Variants in TAFA5 observed in about 807,000 individuals in gnomAD.
TAFA5 encodes TAFA chemokine like family member 5, also known as chemokine-like protein TAFA-5.
Under a neutral mutation model 15.3 loss-of-function variants are expected in TAFA5, and 6 were observed. That is an observed-to-expected ratio of 0.39 (90% confidence interval 0.21 to 0.77). TAFA5 has a LOEUF of 0.77. TAFA5 is among the 30% of genes least tolerant of loss of function. TAFA5 has a pLI of 0.41. For synonymous variants in TAFA5, 103 were observed against 80.7 expected (o/e 1.28, Z -1.48); for missense variants, 161 against 193.1 (o/e 0.83, Z 0.98).
At chr22:48,666,810 C>T (rs1043033908) in intron 2 of TAFA5, among the ~76,000 whole-genome samples, 3 of 152,158 alleles carry the variant, frequency 2.0e-5, no homozygotes, top group South Asian at 4.1e-4. Context: ...ACACAGGCAC[C>T]GCATGTCTGC....
intron 1 of TAFA5, among the ~76,000 whole-genome samples, chr22:48,610,828 C>T (rs184788474): frequency 1.2e-4 from 19 of 152,280 alleles, no homozygotes; most frequent in Non-Finnish European, 1.0e-4. Flanking sequence ...CCCTTCCCTT[C>T]GTCTGCTTCC....
Position 48,717,337 on chromosome 22 carries a change from CAGCCCTGGACATCCCAGGAGG to C in TAFA5, c.390+9501_390+9521del, listed in dbSNP as rs1194213065. On this transcript the variant is annotated intron_variant, in intron 3 of 3. Coordinates refer to ENST00000402357, the MANE Select transcript of TAFA5 (RefSeq NM_001082967.3). ...TCAAGGGTGCAGGAAGAACAGGCTC[CAGCCCTGGACATCCCAGGAGG>C]AGCCCTGCACATCCCAGGAGGAGCC... is the stretch of plus-strand genomic sequence containing the variant. Among the ~76,000 whole-genome samples the C allele has an allele frequency of 1.2e-4, 19 of 152,352 alleles. No homozygotes were observed. The East Asian group carries it at 2.5e-3, about 20-fold the overall frequency.
At chr22:48,731,091 G>A (rs1257319508) in intron 3 of TAFA5, among the ~76,000 whole-genome samples, 1 of 152,196 alleles carries the variant, frequency 6.6e-6, no homozygotes, top group African/African-American at 2.4e-5. Flanking sequence ...ATAAGAAAGG[G>A]ATAGAAAGTT....
intron 1 of TAFA5, among the ~76,000 whole-genome samples, chr22:48,557,040 C>T (rs1207026348): frequency 6.6e-6 from 1 of 152,184 alleles, no homozygotes; most frequent in African/African-American, 2.4e-5. Flanking sequence ...GGGGCACCCA[C>T]CGTTGGGAGG....
At position 48,561,919 on chromosome 22, in the gene TAFA5, G is replaced by A. The variant is rs888614896; in HGVS notation, c.112+72215G>A. On this transcript the variant is annotated intron_variant, in intron 1 of 3. Transcript: ENST00000402357. ...TCCTTTCTGTCCTGGGACTGGGACCGTGGGCGGTGGCTCGGCTCATGGCCA... is the reference window on the plus strand; with the variant it reads ...TCCTTTCTGTCCTGGGACTGGGACCATGGGCGGTGGCTCGGCTCATGGCCA... Among the ~76,000 whole-genome samples the A allele has an allele frequency of 1.8e-4, 28 of 152,308 alleles. 1 individual carries two copies. The highest frequency in any genetic ancestry group is 1.4e-3 in the Admixed American group (21 of 15,310).
chr22:48,592,758 G>T (rs921414259), intron 1 of TAFA5, among the ~76,000 whole-genome samples: 1 of 151,738 alleles, frequency 6.6e-6, no homozygotes, highest in Non-Finnish European at 1.5e-5. Flanking sequence ...GAGCAAGGAA[G>T]CCCTGTGCTC....
intron 2 of TAFA5, among the ~76,000 whole-genome samples, chr22:48,649,110 G>A (rs1926965560): frequency 6.6e-6 from 1 of 152,218 alleles, no homozygotes; most frequent in African/African-American, 2.4e-5. Context: ...AGGGAAGAAG[G>A]GGAAGGGGCC....
intron 1 of TAFA5, among the ~76,000 whole-genome samples, chr22:48,529,078 T>G (rs1921873785): frequency 6.6e-6 from 1 of 152,186 alleles, no homozygotes. Context: ...CAGTGACTGC[T>G]TAAACCACCT....
At chr22:48,610,436 A>C (rs1925358295) in intron 1 of TAFA5, among the ~76,000 whole-genome samples, 1 of 152,236 alleles carries the variant, frequency 6.6e-6, no homozygotes, top group African/African-American at 2.4e-5. Context: ...CGAAAGGTAC[A>C]CTGAGGAAGC....
chr22:48,548,946 G>A (rs181565457), intron 1 of TAFA5, among the ~76,000 whole-genome samples: 31 of 152,332 alleles, frequency 2.0e-4, no homozygotes, highest in Non-Finnish European at 4.0e-4. Context: ...ATCACAAGAA[G>A]CCTTCACACC....
chr22:48,728,561 ATAT>A (rs1929772042), intron 3 of TAFA5, among the ~76,000 whole-genome samples: 1 of 152,242 alleles, frequency 6.6e-6, no homozygotes, highest in African/African-American at 2.4e-5. Context: ...CTACTGAACA[ATAT>A]TATATATGCA....
chr22:48,519,019 G>A (rs1246598379), intron 1 of TAFA5, among the ~76,000 whole-genome samples: 2 of 152,164 alleles, frequency 1.3e-5, no homozygotes, highest in African/African-American at 4.8e-5. Flanking sequence ...CAGCAGGGAG[G>A]ACGCCTGGGG....
At chr22:48,496,385 A>C (rs1316810840) in intron 1 of TAFA5, among the ~76,000 whole-genome samples, 1 of 151,816 alleles carries the variant, frequency 6.6e-6, no homozygotes, top group Non-Finnish European at 1.5e-5. Flanking sequence ...CTCTCTGGAC[A>C]GATGCTTTTG....
At chr22:48,596,411 G>A (rs896397984) in intron 1 of TAFA5, among the ~76,000 whole-genome samples, 3 of 152,216 alleles carry the variant, frequency 2.0e-5, no homozygotes, top group Non-Finnish European at 2.9e-5. Context: ...GCTCCTCAGC[G>A]CAGCACATTC....
chr22:48,724,664 T>G (rs1601700015), intron 3 of TAFA5, among the ~76,000 whole-genome samples: 2 of 151,596 alleles, frequency 1.3e-5, no homozygotes, highest in African/African-American at 4.9e-5. Flanking sequence ...CTCAAAGGAG[T>G]GGAAGCCCGT....
At chr22:48,693,670 A>T (rs546155069) in intron 2 of TAFA5, among the ~76,000 whole-genome samples, 15 of 151,998 alleles carry the variant, frequency 9.9e-5, no homozygotes, top group African/African-American at 3.4e-4. Flanking sequence ...GTCCCGCACC[A>T]CACCGGGCTT....
intron 2 of TAFA5, among the ~76,000 whole-genome samples, chr22:48,691,314 C>T (rs1928534442): frequency 6.6e-6 from 1 of 152,232 alleles, no homozygotes; most frequent in East Asian, 1.9e-4. Flanking sequence ...GGCCGTCTTT[C>T]CAAAGCCCTG....
chr22:48,502,915 G>T (rs559574694), intron 1 of TAFA5, among the ~76,000 whole-genome samples: 7 of 152,300 alleles, frequency 4.6e-5, no homozygotes, highest in Admixed American at 2.6e-4. Context: ...GCACATCCCA[G>T]AATGTAGCTA....
At chr22:48,576,782 C>T (rs1490679276) in intron 1 of TAFA5, among the ~76,000 whole-genome samples, 1 of 151,594 alleles carries the variant, frequency 6.6e-6, no homozygotes, top group East Asian at 1.9e-4. Context: ...CATCGGGGCT[C>T]ACCGGCAGGG....
Sources: allele counts gnomAD v4.1 joint callset (sites outside exome capture counted in the v4.1 genomes callset), GRCh38; gene constraint gnomAD v4.1.1; transcripts MANE v1.5; gene names NCBI Gene and HGNC (gene_info 2026-07-23, HGNC 2026-07-21).